Variants in SLC39A11 observed in about 807,000 individuals in gnomAD.
SLC39A11 encodes solute carrier family 39 member 11.
Under a neutral mutation model 36.1 loss-of-function variants are expected in SLC39A11, and 33 were observed. The ratio of observed to expected loss-of-function variants is 0.91; its 90% CI spans 0.69 to 1.22. SLC39A11 has a LOEUF of 1.22. Among genes scored for constraint, SLC39A11 ranks in the 50% most tolerant of loss-of-function variants. The pLI, the probability that SLC39A11 is intolerant of heterozygous loss-of-function variation, is 0.00. For synonymous variants in SLC39A11, 166 were observed against 170.3 expected (o/e 0.97, Z 0.20); for missense variants, 432 against 430.3 (o/e 1.00, Z -0.03).
chr17:72,964,693 G>C (rs911911493), intron 4 of SLC39A11, among the ~76,000 whole-genome samples: 1 of 152,154 alleles, frequency 6.6e-6, no homozygotes, highest in African/African-American at 2.4e-5. Flanking sequence ...AGACAGTGTG[G>C]CAATTACTCA....
intron 3 of SLC39A11, among the ~76,000 whole-genome samples, chr17:73,059,204 T>C (rs2059763595): frequency 6.6e-6 from 1 of 152,206 alleles, no homozygotes; most frequent in African/African-American, 2.4e-5. Context: ...GGTTTGTTCA[T>C]AAACATGAAA....
At chr17:72,744,667 G>C (rs998498778) in intron 6 of SLC39A11, among the ~76,000 whole-genome samples, 1 of 152,042 alleles carries the variant, frequency 6.6e-6, no homozygotes, top group South Asian at 2.1e-4. Flanking sequence ...TCACAGACTG[G>C]GGGTTCCTTG....
chr17:72,940,443 T>G (rs933457198), intron 5 of SLC39A11, among the ~76,000 whole-genome samples: 2 of 152,164 alleles, frequency 1.3e-5, no homozygotes, highest in Non-Finnish European at 2.9e-5. Context: ...GCTCGGCTAA[T>G]TTTTGCATTT....
At chr17:72,914,915 G>C (rs540691410) in intron 5 of SLC39A11, among the ~76,000 whole-genome samples, 1 of 134,834 alleles carries the variant, frequency 7.4e-6, no homozygotes, top group South Asian at 2.3e-4. Context: ...TTTTGTTTGC[G>C]GTGGTTTTTG....
chr17:72,744,928 A>C (rs1402453157), intron 6 of SLC39A11, among the ~76,000 whole-genome samples: 1 of 151,882 alleles, frequency 6.6e-6, no homozygotes, highest in Non-Finnish European at 1.5e-5. Flanking sequence ...TGCAACCTCT[A>C]CCTCCCTGGT....
At chr17:73,040,984 C>CA (rs775559282) in intron 3 of SLC39A11, among the ~76,000 whole-genome samples, 679 of 44,862 alleles carry the variant, frequency 0.015, 1 homozygote, top group Non-Finnish European at 0.023. Context: ...GACTCCATCT[C>CA]AAAAAAAAAA....
intron 6 of SLC39A11, among the ~76,000 whole-genome samples, chr17:72,794,908 G>C (rs948496511): frequency 6.6e-6 from 1 of 152,092 alleles, no homozygotes; most frequent in Non-Finnish European, 1.5e-5. Flanking sequence ...CACAAGACCT[G>C]TCAACATCCA....
At chr17:72,863,071 C>T (rs1214276772) in intron 5 of SLC39A11, among the ~76,000 whole-genome samples, 1 of 152,124 alleles carries the variant, frequency 6.6e-6, no homozygotes, top group Non-Finnish European at 1.5e-5. Flanking sequence ...GACTGCTACT[C>T]CAGGTAACTT....
At chr17:72,992,215 G>C (rs1226515372) in intron 4 of SLC39A11, among the ~76,000 whole-genome samples, 1 of 152,068 alleles carries the variant, frequency 6.6e-6, no homozygotes, top group Admixed American at 6.6e-5. Context: ...ACTCGAGCTT[G>C]GTGGCAGGCA....
intron 4 of SLC39A11, among the ~76,000 whole-genome samples, chr17:72,984,713 G>C (rs1214500512): frequency 6.6e-6 from 1 of 152,224 alleles, no homozygotes; most frequent in Non-Finnish European, 1.5e-5. Context: ...CCTTTTACAG[G>C]GGCTGAGAAA....
chr17:72,979,623 C>G (rs1371979197), intron 4 of SLC39A11, among the ~76,000 whole-genome samples: 1 of 152,102 alleles, frequency 6.6e-6, no homozygotes, highest in Non-Finnish European at 1.5e-5. Context: ...TGAAGCGCCA[C>G]AGAAAATCGA....
intron 4 of SLC39A11, among the ~76,000 whole-genome samples, chr17:72,961,758 G>A (rs949027799): frequency 3.3e-5 from 5 of 152,068 alleles, no homozygotes; most frequent in African/African-American, 7.2e-5. Flanking sequence ...GGCTGGGGGA[G>A]GGATAATATT....
chr17:73,031,309 A>G (rs914678647), intron 4 of SLC39A11, among the ~76,000 whole-genome samples: 1 of 148,238 alleles, frequency 6.7e-6, no homozygotes, highest in Non-Finnish European at 1.5e-5. Flanking sequence ...GCTGTACTCT[A>G]TATTTTTAAT....
rs553953544 is a variant in SLC39A11, at chr17:73,009,092, G to T, written c.306+22464C>A. Among the ~76,000 whole-genome samples the T allele has an allele frequency of 5.2e-4, 77 of 146,918 alleles. 1 individual carries two copies. The East Asian group carries it at 0.014, about 27-fold the overall frequency. On this transcript the variant is annotated intron_variant, in intron 4 of 9. Transcript: ENST00000255559. ...AAAAAAAAAAAAGGCAGGGGGGCGG[G>T]GTGGCTCACGCCTGTAATTTCAGCA...
At chr17:72,759,224 A>G (rs553118735) in intron 6 of SLC39A11, among the ~76,000 whole-genome samples, 38 of 152,304 alleles carry the variant, frequency 2.5e-4, no homozygotes, top group Non-Finnish European at 5.1e-4. Context: ...GATAGACTAT[A>G]TAAACCAAAT....
intron 5 of SLC39A11, among the ~76,000 whole-genome samples, chr17:72,889,108 G>C (rs2081589209): frequency 6.6e-6 from 1 of 152,030 alleles, no homozygotes; most frequent in Non-Finnish European, 1.5e-5. Context: ...CGATCAATGT[G>C]AATTTATAAA....
chr17:73,029,346 A>C (rs148332731), intron 4 of SLC39A11, among the ~76,000 whole-genome samples: 41 of 152,160 alleles, frequency 2.7e-4, no homozygotes, highest in African/African-American at 9.9e-4. Context: ...AATGGGATCC[A>C]GCAGGAGCCA....
intron 5 of SLC39A11, among the ~76,000 whole-genome samples, chr17:72,865,425 A>AC (rs891484988): frequency 1.1e-4 from 16 of 151,818 alleles, no homozygotes; most frequent in Admixed American, 3.9e-4. Context: ...AAAAAAAAAA[A>AC]AACAACTTTG....
chr17:72,786,969 G>A (rs540228243), intron 6 of SLC39A11, among the ~76,000 whole-genome samples: 27 of 152,008 alleles, frequency 1.8e-4, no homozygotes, highest in Non-Finnish European at 3.1e-4. Context: ...ACAGGCACCC[G>A]CTGCCACGCC....
Sources: gnomAD v4.1 joint callset for allele counts (sites outside exome capture counted in the v4.1 genomes callset) on GRCh38, gnomAD v4.1.1 for gene constraint, MANE v1.5 for transcripts, NCBI Gene and HGNC (gene_info 2026-07-23, HGNC 2026-07-21) for gene names.